The following HACE1 variants were observed in gnomAD, a reference collection of about 807,000 sequenced individuals.
HACE1 encodes E3 ubiquitin-protein ligase HACE1.
HACE1 carries 73 observed loss-of-function variants against 118.4 expected under a neutral mutation model. That is an observed-to-expected ratio of 0.62 (90% CI 0.51 to 0.75). The LOEUF (loss-of-function observed/expected upper bound fraction) is 0.75. Ranked by LOEUF, HACE1 falls within the 30% of genes least tolerant of loss-of-function variation. The pLI is 0.00. For missense variants in HACE1, 749 were observed against 1,102.2 expected (o/e 0.68, Z 4.54); for synonymous variants, 368 against 374.8 (o/e 0.98, Z 0.21).
At chr6:104,844,824 A>C (rs1775489645) in intron 4 of HACE1, among the ~76,000 whole-genome samples, 1 of 151,248 alleles carries the variant, frequency 6.6e-6, no homozygotes, top group Admixed American at 6.6e-5. Flanking sequence ...CACCATGCCC[A>C]GCTAATTTTT....
rs554441417 is a variant in HACE1 at position 104,798,400 on chromosome 6, A to T, written c.618-1375T>A. Among the ~76,000 whole-genome samples, 137 of 152,160 alleles carry T rather than the reference A, an allele frequency of 9.0e-4. 1 individual carries two copies. Among genetic ancestry groups the T allele is most frequent in the African/African-American group, 2.9e-3 (121 of 41,524 alleles). On this transcript the variant is annotated intron_variant, in intron 7 of 23. Coordinates refer to ENST00000262903, the MANE Select transcript of HACE1 (RefSeq NM_020771.4). ...AACCAATTGGAATTAAAGTTTTTTTAAAAAAAACTTAATAGTATCCTACTA... is the reference window on the plus strand; with the variant it reads ...AACCAATTGGAATTAAAGTTTTTTTTAAAAAAACTTAATAGTATCCTACTA...
chr6:104,817,349 T>C (rs1772228276), intron 6 of HACE1, among the ~76,000 whole-genome samples: 1 of 152,054 alleles, frequency 6.6e-6, no homozygotes, highest in Non-Finnish European at 1.5e-5. Context: ...GTGAATGAGT[T>C]CTCACAAGTC....
intron 5 of HACE1, among the ~76,000 whole-genome samples, chr6:104,837,958 A>G (rs1774709800): frequency 6.6e-6 from 1 of 152,200 alleles, no homozygotes; most frequent in Non-Finnish European, 1.5e-5. Flanking sequence ...AATCCCATTT[A>G]TGACAGCTAC....
chr6:104,859,644 C>T lies in HACE1; in HGVS notation c.-2G>A. 3 of 1,532,246 alleles carry T rather than the reference C, an allele frequency of 2.0e-6. No homozygotes were observed. The highest frequency in any genetic ancestry group is 2.6e-6 in the Non-Finnish European group (3 of 1,142,954). 94.9% of individuals were successfully genotyped at this position (1,532,246 alleles called of 1,614,324 possible). A position where few individuals can be genotyped will look rare whatever the true frequency, so the allele number is the denominator to read the frequency against. On this transcript the variant is annotated 5_prime_UTR_variant, in exon 1 of 24. Transcript: ENST00000262903. ...GAGTTGCTCCATCGCTCTCTCCATC[C>T]TCGGCGCGCCCTCCGCGATCCTCCG...
rs781584464 is a variant in HACE1 at position 104,771,298 on chromosome 6, C to G, written c.2106G>C (p.Leu702=). ...CAACAGAAAAAGTTAGTTCTAGACC[C>G]AGATCACTTATATCATTATCTAAAA... The part of the protein sequence containing the change: ...QWILDNDISD[L]GLELTFSVET... The change falls in exon 19 of 24, where the codon CTG becomes CTC. Residue 702 remains leucine (L), a synonymous_variant. Coordinates refer to ENST00000262903, the MANE Select transcript of HACE1 (RefSeq NM_020771.4). The G allele has an allele frequency of 6.2e-7, 1 of 1,611,906 alleles. No homozygotes were observed. The highest frequency in any genetic ancestry group is 8.5e-7 in the Non-Finnish European group (1 of 1,178,048).
intron 5 of HACE1, among the ~76,000 whole-genome samples, chr6:104,842,634 T>G (rs1775229799): frequency 6.6e-6 from 1 of 151,914 alleles, no homozygotes; most frequent in Non-Finnish European, 1.5e-5. Flanking sequence ...ATAACACACC[T>G]CAGCAGAGAT....
In HACE1 at chr6:104,777,072, C is replaced by T. The variant is rs1562346237; in HGVS notation, c.1717G>A (p.Ala573Thr). 6.2e-7 allele frequency: 1 copy of T among 1,612,992 alleles called. No individual in the cohort carries two copies. Among genetic ancestry groups the T allele is most frequent in the Admixed American group, 1.7e-5 (1 of 60,020 alleles). The change falls in exon 16 of 24, where the codon GCA (alanine) becomes ACA (threonine). Residue 573 changes from alanine (A) to threonine (T), a missense_variant. Ala to Thr is a moderately conservative substitution (Grantham distance 58). Around this residue, in one of 5 missense-constraint regions of HACE1, gnomAD observed 195 missense variants for 322.1 expected, o/e 0.61. Transcript: ENST00000262903. ...CCTTGCTTTAGCTTTGCACAATTTGCTTTTGACACAACTTCACAGCTACTC... is the reference window on the plus strand; with the variant it reads ...CCTTGCTTTAGCTTTGCACAATTTGTTTTTGACACAACTTCACAGCTACTC... ...FRSSCEVVSK[A>T]NCAKLKQGIA...
intron 7 of HACE1, among the ~76,000 whole-genome samples, chr6:104,799,899 C>T (rs970773617): frequency 9.6e-5 from 6 of 62,290 alleles, no homozygotes; most frequent in Non-Finnish European, 1.5e-4. Context: ...GTGCAGCCCA[C>T]GGAGGGTGAG....
Position 104,859,748 on chromosome 6 carries a change from G to C in HACE1, c.-106C>G. On this transcript the variant is annotated 5_prime_UTR_variant, in exon 1 of 24. Transcript: ENST00000262903. ...GGCCCGTCCAGCAGGCGGAGACGCG[G>C]GCTTGCCCCGGCTAGAGCACTGAGC... 3 of 1,033,882 alleles carry C rather than the reference G, an allele frequency of 2.9e-6. No individual in the cohort carries two copies. The highest frequency in any genetic ancestry group is 4.2e-6 in the Non-Finnish European group (3 of 713,550). The allele number at this position is 1,033,882 out of a possible 1,614,324, so 64.0% of individuals were successfully genotyped here. A position where few individuals can be genotyped will look rare whatever the true frequency, so the allele number is the denominator to read the frequency against.
intron 5 of HACE1, among the ~76,000 whole-genome samples, chr6:104,834,349 C>T (rs569335854): frequency 2.0e-5 from 3 of 152,186 alleles, no homozygotes; most frequent in African/African-American, 7.2e-5. Context: ...ATGCTATATT[C>T]CTTACTTCCT....
chr6:104,785,410 A>G, intron 11 of HACE1, 91 bp from the exon 12 acceptor site: 1 of 765,578 alleles, frequency 1.3e-6, no homozygotes, highest in South Asian at 1.6e-5. Context: ...AATATTATAG[A>G]AGAGAAAATT....
chr6:104,821,462 GTAATAAA>G (rs1308028065), intron 6 of HACE1, among the ~76,000 whole-genome samples: 1 of 151,996 alleles, frequency 6.6e-6, no homozygotes, highest in East Asian at 1.9e-4. Context: ...TCCAGAAACT[GTAATAAA>G]GAAATTTTAA....
chr6:104,800,529 C>T (rs575627418), intron 7 of HACE1, among the ~76,000 whole-genome samples: 1 of 152,230 alleles, frequency 6.6e-6, no homozygotes, highest in South Asian at 2.1e-4. Context: ...AAGGAACAGG[C>T]AGCAATATTT....
At chr6:104,784,249 G>T in intron 13 of HACE1, 76 bp from the exon 14 acceptor site, 2 of 911,242 alleles carry the variant, frequency 2.2e-6, no homozygotes, top group South Asian at 1.3e-5. Flanking sequence ...CAGATACACT[G>T]ACACTGAAAC....
At chr6:104,829,541 CA>C (rs1773653104) in intron 6 of HACE1, among the ~76,000 whole-genome samples, 1 of 152,108 alleles carries the variant, frequency 6.6e-6, no homozygotes, top group South Asian at 2.1e-4. Context: ...TACAATGATT[CA>C]GAAAATAATC....
intron 6 of HACE1, among the ~76,000 whole-genome samples, chr6:104,820,548 A>C (rs1020602058): frequency 6.6e-6 from 1 of 152,252 alleles, no homozygotes; most frequent in Non-Finnish European, 1.5e-5. Context: ...GACACTTCTC[A>C]AAAGAAGACA....
In HACE1 at chr6:104,730,051, T is replaced by TA. The variant is rs1222237924; in HGVS notation, c.2627+251dup. Among the ~76,000 whole-genome samples, 3 of 152,266 alleles carry TA rather than the reference T, an allele frequency of 2.0e-5. No individual in the cohort carries two copies. The East Asian group carries it at 5.8e-4, about 29-fold the overall frequency. On this transcript the variant is annotated intron_variant, in intron 23 of 23. Transcript: ENST00000262903. ...TGATGGTGTGTAACTCAGTGCTACT[T>TA]ACGGTAGTGTAACTTTAGTGATACT...
chr6:104,778,446 A>G (rs1480746600), intron 14 of HACE1, among the ~76,000 whole-genome samples: 1 of 152,034 alleles, frequency 6.6e-6, no homozygotes, highest in African/African-American at 2.4e-5. Flanking sequence ...CATGGTAGCA[A>G]AGAGGAACAA....
At chr6:104,736,128 AT>A (rs1775801573) in intron 22 of HACE1, among the ~76,000 whole-genome samples, 1 of 151,776 alleles carries the variant, frequency 6.6e-6, no homozygotes, top group African/African-American at 2.4e-5. Flanking sequence ...TACATAAAAA[AT>A]ATAATTATTT....
Sources: allele counts gnomAD v4.1 joint callset (sites outside exome capture counted in the v4.1 genomes callset), GRCh38; gene constraint gnomAD v4.1.1; regional missense constraint gnomAD v4.1.1; transcripts MANE v1.5; gene names NCBI Gene and HGNC (gene_info 2026-07-23, HGNC 2026-07-21).